Variants in MTUS2 observed in about 807,000 individuals in gnomAD.
MTUS2 encodes microtubule-associated tumor suppressor candidate 2.
Under a neutral mutation model 114.1 loss-of-function variants are expected in MTUS2, and 40 were observed. That is an observed-to-expected ratio of 0.35 (90% CI 0.27 to 0.46). The LOEUF is 0.46. Ranked by LOEUF, MTUS2 falls within the 20% of genes least tolerant of loss-of-function variation. MTUS2 has a pLI of 1.00. For synonymous variants in MTUS2, 688 were observed against 672.0 expected, an observed-to-expected ratio of 1.02 and a Z score of -0.37; for missense variants, 1,679 against 1,705.4, an observed-to-expected ratio of 0.98 and a Z score of 0.27.
In MTUS2 at chr13:29,026,908, G is replaced by T; in HGVS notation, c.2205+5G>T. On this transcript the variant is annotated splice_donor_5th_base_variant and intron_variant, in intron 3 of 15. Coordinates refer to ENST00000612955, the MANE Select transcript of MTUS2 (RefSeq NM_001033602.4). ...AGTGAAAAGTTTTTGCAGGAGGTAAGAGAATGTCATTATGATATGGTCTAT... is the reference window on the plus strand; with the variant it reads ...AGTGAAAAGTTTTTGCAGGAGGTAATAGAATGTCATTATGATATGGTCTAT... 1 of 1,580,446 alleles carries T rather than the reference G, an allele frequency of 6.3e-7. No homozygotes were observed. The highest frequency in any genetic ancestry group is 1.2e-5 in the South Asian group (1 of 86,956).
intron 5 of MTUS2, among the ~76,000 whole-genome samples, chr13:29,130,615 T>C (rs1404887220): frequency 6.6e-6 from 1 of 152,116 alleles, no homozygotes; most frequent in Non-Finnish European, 1.5e-5. Flanking sequence ...TTTCTACACA[T>C]TTATTTATTT....
chr13:29,085,863 C>T (rs1477766707), intron 4 of MTUS2, among the ~76,000 whole-genome samples: 1 of 152,142 alleles, frequency 6.6e-6, no homozygotes, highest in African/African-American at 2.4e-5. Flanking sequence ...CGCTAAACTG[C>T]TTTCTATAGT....
chr13:29,346,192 C>T lies in MTUS2; in HGVS notation c.2906-13070C>T, dbSNP rs763911180. On this transcript the variant is annotated intron_variant, in intron 7 of 15. Coordinates refer to ENST00000612955, the MANE Select transcript of MTUS2 (RefSeq NM_001033602.4). ...CAGCTGCAGTAGTGTAGGGAGGATACAAGCTTGCCCTAATGCCACCTGGGT... is the reference window on the plus strand; with the variant it reads ...CAGCTGCAGTAGTGTAGGGAGGATATAAGCTTGCCCTAATGCCACCTGGGT... Among the ~76,000 whole-genome samples the T allele has an allele frequency of 1.3e-4, 20 of 152,232 alleles. No homozygotes were observed. In the East Asian group the frequency reaches 2.5e-3, roughly 19 times the overall value.
chr13:29,037,003 G>A (rs966087804), intron 4 of MTUS2, among the ~76,000 whole-genome samples: 3 of 152,028 alleles, frequency 2.0e-5, no homozygotes, highest in African/African-American at 4.8e-5. Flanking sequence ...TGTTTACCCC[G>A]TTTACATATA....
chr13:29,293,901 A>G (rs1898825129), intron 6 of MTUS2, among the ~76,000 whole-genome samples: 1 of 152,154 alleles, frequency 6.6e-6, no homozygotes, highest in African/African-American at 2.4e-5. Context: ...ATTTATAGAA[A>G]AAGTTGGAAA....
intron 5 of MTUS2, among the ~76,000 whole-genome samples, chr13:29,215,761 A>T (rs1421319412): frequency 1.3e-5 from 2 of 152,034 alleles, no homozygotes; most frequent in Admixed American, 6.6e-5. Context: ...TTCATCCCAG[A>T]GGGGCACCTG....
chr13:29,018,120 G>A (rs1206899597), intron 2 of MTUS2, among the ~76,000 whole-genome samples: 1 of 152,222 alleles, frequency 6.6e-6, no homozygotes, highest in African/African-American at 2.4e-5. Flanking sequence ...TGGGCTTTGA[G>A]CTGGACTTTG....
intron 2 of MTUS2, among the ~76,000 whole-genome samples, chr13:28,962,915 T>C (rs1399663479): frequency 2.0e-5 from 3 of 152,172 alleles, no homozygotes; most frequent in African/African-American, 7.2e-5. Flanking sequence ...CCCTGAGAAT[T>C]CTGATGGGTC....
At chr13:29,307,134 C>T (rs1218500688) in intron 6 of MTUS2, 1 of 480,274 alleles carries the variant, frequency 2.1e-6, no homozygotes, top group African/African-American at 2.0e-5. Context: ...CCAAAAGGGT[C>T]ATCCTTTCTG....
intron 2 of MTUS2, among the ~76,000 whole-genome samples, chr13:28,846,033 G>T (rs1875855143): frequency 7.7e-6 from 1 of 129,998 alleles, no homozygotes. Context: ...AAACATATAT[G>T]CAGTCTTTTT....
chr13:29,232,273 T>TACAC (rs1219369857), intron 5 of MTUS2, among the ~76,000 whole-genome samples: 4 of 114,988 alleles, frequency 3.5e-5, no homozygotes, highest in South Asian at 2.7e-4. Flanking sequence ...AGAATATACA[T>TACAC]ACATACACAC....
At chr13:29,201,493 T>C (rs1467071594) in intron 5 of MTUS2, among the ~76,000 whole-genome samples, 1 of 152,208 alleles carries the variant, frequency 6.6e-6, no homozygotes, top group Non-Finnish European at 1.5e-5. Context: ...AATTGGGGCA[T>C]TTAGCCCATT....
At chr13:29,289,067 A>G (rs924893599) in intron 6 of MTUS2, among the ~76,000 whole-genome samples, 2 of 152,174 alleles carry the variant, frequency 1.3e-5, no homozygotes, top group Admixed American at 1.3e-4. Flanking sequence ...AAATTGAAAT[A>G]CCCTTTTTTC....
intron 2 of MTUS2, among the ~76,000 whole-genome samples, chr13:28,879,318 C>T (rs951616408): frequency 2.0e-5 from 3 of 152,116 alleles, no homozygotes; most frequent in Non-Finnish European, 4.4e-5. Flanking sequence ...TCCTTAAGTG[C>T]CTGCTGGTGG....
intron 2 of MTUS2, among the ~76,000 whole-genome samples, chr13:28,940,055 C>G (rs1882141371): frequency 6.6e-6 from 1 of 152,182 alleles, no homozygotes; most frequent in African/African-American, 2.4e-5. Flanking sequence ...CACTGGTTCC[C>G]TCCCATGACA....
chr13:29,296,604 A>G (rs1566115582), intron 6 of MTUS2, among the ~76,000 whole-genome samples: 1 of 152,040 alleles, frequency 6.6e-6, no homozygotes, highest in African/African-American at 2.4e-5. Context: ...TGTTCTCACC[A>G]ATGTTTGTTA....
In MTUS2 at chr13:29,033,971, G is replaced by A; in HGVS notation, c.2292G>A (p.Met764Ile). The A allele has an allele frequency of 2.5e-6, 4 of 1,614,016 alleles. No individual in the cohort carries two copies. The highest frequency in any genetic ancestry group is 2.2e-5 in the East Asian group (1 of 44,876). The change falls in exon 4 of 16, where the codon ATG becomes ATA. Residue 764 changes from methionine to isoleucine, a missense_variant. Met to Ile is a conservative substitution (Grantham distance 10, BLOSUM62 1). Transcript: ENST00000612955. The stretch of plus-strand genomic sequence containing the variant: ...CTCCAACTTTCTATCGGTCAGCCAT[G>A]CTCCTTAAGCCCCAGCTAGGATTGG... The part of the protein sequence containing the change: ...EVPPTFYRSA[M>I]LLKPQLGLGA...
intron 2 of MTUS2, among the ~76,000 whole-genome samples, chr13:28,867,361 A>T (rs1437882816): frequency 6.6e-6 from 1 of 152,194 alleles, no homozygotes; most frequent in Non-Finnish European, 1.5e-5. Flanking sequence ...AAAAAATTAT[A>T]AGAAAAAATA....
chr13:29,084,488 A>G (rs1157584544), intron 4 of MTUS2, among the ~76,000 whole-genome samples: 1 of 151,368 alleles, frequency 6.6e-6, no homozygotes, highest in African/African-American at 2.4e-5. Flanking sequence ...CCTCCATGCA[A>G]TGGTCTCTTT....
Sources: gnomAD v4.1 joint callset for allele counts (sites outside exome capture counted in the v4.1 genomes callset) on GRCh38, gnomAD v4.1.1 for gene constraint, MANE v1.5 for transcripts, NCBI Gene and HGNC (gene_info 2026-07-23, HGNC 2026-07-21) for gene names.